The following MAP3K5 variants were observed in gnomAD, a reference collection of about 807,000 sequenced individuals.
MAP3K5 encodes ASK-1.
A neutral mutation model predicts 158.7 loss-of-function variants in MAP3K5; 56 were observed. The ratio of observed to expected loss-of-function variants is 0.35; its 90% CI spans 0.28 to 0.44. The LOEUF is 0.44. Among genes scored for constraint, MAP3K5 ranks in the 20% least tolerant of loss-of-function variants. The pLI is 1.00. For missense variants in MAP3K5, 1,294 were observed against 1,674.8 expected (o/e 0.77, Z 3.97); for synonymous variants, 579 against 601.7 (o/e 0.96, Z 0.55).
rs569012566 is a variant in MAP3K5, at chr6:136,703,580, AC to A, written c.612+1529del. ...GTCCAATCAGTATTTGTTTAAAAAA[AC>A]GTGTGAGATAAATTAAACAGTTTCA... On this transcript the variant is annotated intron_variant, in intron 3 of 29. Transcript: ENST00000359015. Among the ~76,000 whole-genome samples the A allele has an allele frequency of 2.1e-3, 320 of 152,358 alleles. 1 individual carries two copies. Among genetic ancestry groups the A allele is most frequent in the African/African-American group, 6.4e-3 (267 of 41,592 alleles).
At chr6:136,719,907 C>T (rs1185754170) in intron 2 of MAP3K5, among the ~76,000 whole-genome samples, 3 of 152,164 alleles carry the variant, frequency 2.0e-5, no homozygotes, top group Non-Finnish European at 4.4e-5. Context: ...GCCTTTATAG[C>T]AGTAAGCTCC....
chr6:136,584,760 A>G (rs551421767), intron 23 of MAP3K5, among the ~76,000 whole-genome samples: 4 of 152,182 alleles, frequency 2.6e-5, no homozygotes, highest in Non-Finnish European at 4.4e-5. Flanking sequence ...CAAGCCAGAG[A>G]AAAGATGTGC....
intron 23 of MAP3K5, among the ~76,000 whole-genome samples, chr6:136,585,105 G>GT (rs201284954): frequency 0.041 from 4,282 of 104,722 alleles, 95 homozygotes; most frequent in East Asian, 0.11. Context: ...TTTTCTTTTT[G>GT]TTTTTTTTTT....
At chr6:136,681,311 T>G (rs571737902) in intron 7 of MAP3K5, among the ~76,000 whole-genome samples, 1 of 152,276 alleles carries the variant, frequency 6.6e-6, no homozygotes, top group Non-Finnish European at 1.5e-5. Context: ...TGTTAGTCAA[T>G]TAGGAGACCT....
At chr6:136,745,134 G>A (rs1183996989) in intron 1 of MAP3K5, among the ~76,000 whole-genome samples, 1 of 133,644 alleles carries the variant, frequency 7.5e-6, no homozygotes, top group Non-Finnish European at 1.6e-5. Flanking sequence ...ACACTTGGCA[G>A]TCATTAAAGT....
At chr6:136,691,638 C>G (rs1485647004) in intron 7 of MAP3K5, among the ~76,000 whole-genome samples, 1 of 151,828 alleles carries the variant, frequency 6.6e-6, no homozygotes, top group Non-Finnish European at 1.5e-5. Flanking sequence ...ATTTAGACCA[C>G]TAAATGCCAC....
At chr6:136,660,162 A>G (rs1394685174) in intron 8 of MAP3K5, among the ~76,000 whole-genome samples, 1 of 152,210 alleles carries the variant, frequency 6.6e-6, no homozygotes, top group African/African-American at 2.4e-5. Flanking sequence ...AAATTCTATC[A>G]GTTGAAGTAT....
In MAP3K5 at chr6:136,601,650, T is replaced by G. The variant is rs1775880576; in HGVS notation, c.2857+152A>C. The G allele has an allele frequency of 1.0e-5, 7 of 681,652 alleles. No individual in the cohort carries two copies. In the Admixed American group the frequency reaches 1.5e-4, roughly 14 times the overall value. The allele number at this position is 681,652 out of a possible 1,614,324, so 42.2% of individuals were successfully genotyped here. ...TTGATGGAATACAGCTCCCTGATACTGCAACCAAATGCCTGAGAACACTGT... is the reference window on the plus strand; with the variant it reads ...TTGATGGAATACAGCTCCCTGATACGGCAACCAAATGCCTGAGAACACTGT... On this transcript the variant is annotated intron_variant, in intron 20 of 29. Coordinates refer to ENST00000359015, the MANE Select transcript of MAP3K5 (RefSeq NM_005923.4).
chr6:136,764,132 T>G (rs1783867121), intron 1 of MAP3K5, among the ~76,000 whole-genome samples: 1 of 152,196 alleles, frequency 6.6e-6, no homozygotes, highest in South Asian at 2.1e-4. Flanking sequence ...CACACCCAGA[T>G]GACATATGCA....
At chr6:136,651,943 T>A (rs1002986424) in intron 10 of MAP3K5, among the ~76,000 whole-genome samples, 2 of 152,246 alleles carry the variant, frequency 1.3e-5, no homozygotes, top group African/African-American at 4.8e-5. Flanking sequence ...CCAAATTTCC[T>A]AGGCAGACTT....
At chr6:136,745,803 G>A (rs537736836) in intron 1 of MAP3K5, among the ~76,000 whole-genome samples, 3 of 152,310 alleles carry the variant, frequency 2.0e-5, no homozygotes, top group Admixed American at 2.0e-4. Context: ...TAAAGGCATA[G>A]ATAATGTCTT....
At chr6:136,737,889 A>AT (rs1782543495) in intron 1 of MAP3K5, among the ~76,000 whole-genome samples, 1 of 152,220 alleles carries the variant, frequency 6.6e-6, no homozygotes, top group African/African-American at 2.4e-5. Flanking sequence ...GGAGAAGGCC[A>AT]TTCAGGGCAA....
intron 19 of MAP3K5, among the ~76,000 whole-genome samples, chr6:136,602,747 G>C (rs1775933586): frequency 1.3e-5 from 2 of 152,204 alleles, no homozygotes; most frequent in South Asian, 2.1e-4. Context: ...GGAAAATAAG[G>C]CTTAGAAAGG....
At chr6:136,564,285 G>C (rs1167512914) in intron 26 of MAP3K5, among the ~76,000 whole-genome samples, 1 of 152,152 alleles carries the variant, frequency 6.6e-6, no homozygotes, top group African/African-American at 2.4e-5. Context: ...CAGAGAGAAG[G>C]GATCACAGCA....
chr6:136,742,276 A>C (rs182903237), intron 1 of MAP3K5, among the ~76,000 whole-genome samples: 2 of 152,302 alleles, frequency 1.3e-5, no homozygotes, highest in East Asian at 3.9e-4. Flanking sequence ...TAGGTGAAAG[A>C]CTACAGAAAT....
At chr6:136,689,977 T>C (rs1213482796) in intron 7 of MAP3K5, among the ~76,000 whole-genome samples, 1 of 151,952 alleles carries the variant, frequency 6.6e-6, no homozygotes, top group Non-Finnish European at 1.5e-5. Context: ...CTCCTTGAAT[T>C]TTTTTTTAAA....
intron 26 of MAP3K5, among the ~76,000 whole-genome samples, chr6:136,566,075 G>A (rs1562509671): frequency 1.3e-5 from 2 of 152,194 alleles, no homozygotes; most frequent in Non-Finnish European, 2.9e-5. Flanking sequence ...AGGGGAAGCT[G>A]TGAAGAAAGC....
rs1299929348 is a variant in MAP3K5 at position 136,579,397 on chromosome 6, AC to A, written c.3517+903del. ...ATCAACACTACCCCTTTTGTATCTC[AC>A]TGCCAACATAGCTGGGGCTGTGTCT... On this transcript the variant is annotated intron_variant, in intron 25 of 29. Transcript: ENST00000359015. Among the ~76,000 whole-genome samples, 8 of 152,198 alleles carry A rather than the reference AC, an allele frequency of 5.3e-5. No homozygotes were observed. In the South Asian group the frequency reaches 1.0e-3, roughly 20 times the overall value.
At chr6:136,564,091 T>G (rs933338855) in intron 26 of MAP3K5, among the ~76,000 whole-genome samples, 1 of 152,202 alleles carries the variant, frequency 6.6e-6, no homozygotes, top group African/African-American at 2.4e-5. Context: ...AAAAGATTAT[T>G]GTGAGCATTA....
Sources: allele counts gnomAD v4.1 joint callset (sites outside exome capture counted in the v4.1 genomes callset), GRCh38; gene constraint gnomAD v4.1.1; transcripts MANE v1.5; gene names NCBI Gene and HGNC (gene_info 2026-07-23, HGNC 2026-07-21).